The following FGF11 variants were observed in gnomAD, a reference collection of about 807,000 sequenced individuals.
FGF11 encodes fibroblast growth factor 11.
Under a neutral mutation model 25.1 loss-of-function variants are expected in FGF11, and 25 were observed. The observed-to-expected ratio is 1.00, with a 90% CI of 0.73 to 1.39. The LOEUF (loss-of-function observed/expected upper bound fraction) is 1.39, where lower values mean the gene tolerates loss of function less well. FGF11 is among the 40% of genes most tolerant of loss of function. The pLI, the probability that FGF11 is intolerant of heterozygous loss-of-function variation, is 0.00. For synonymous variants in FGF11, 130 were observed against 128.9 expected, an observed-to-expected ratio of 1.01 and a Z score of -0.06; for missense variants, 320 against 311.0, an observed-to-expected ratio of 1.03 and a Z score of -0.22.
Position 7,440,056 on chromosome 17 carries a change from C to T in FGF11, c.193+243C>T. The T allele has an allele frequency of 5.1e-6, 2 of 390,690 alleles. No individual in the cohort carries two copies. The highest frequency in any genetic ancestry group is 9.1e-6 in the Non-Finnish European group (2 of 220,878). The allele number at this position is 390,690 out of a possible 1,614,324, so 24.2% of individuals were successfully genotyped here. A position where few individuals can be genotyped will look rare whatever the true frequency, so the allele number is the denominator to read the frequency against. ...GAGGGGCTGCCTGGCGCCCCGAAAG[C>T]CTCGTAGTTCCTGCTCGTCCCCCCT... On this transcript the variant is annotated intron_variant, in intron 1 of 4. Coordinates refer to ENST00000293829, the MANE Select transcript of FGF11 (RefSeq NM_004112.4). This position sits in a 1 kb window ranked among gnomAD's most constrained non-coding sequence, Gnocchi z 5.4.
chr17:7,442,789 G>C lies in FGF11; in HGVS notation c.604G>C (p.Glu202Gln). 6.2e-7 allele frequency: 1 copy of C among 1,613,916 alleles called. No homozygotes were observed. Among genetic ancestry groups the C allele is most frequent in the Non-Finnish European group, 8.5e-7 (1 of 1,179,956 alleles). ...AAAHFLPKLL[E>Q]VAMYQEPSLH... ...TGCCCACTTTCTGCCCAAGCTCCTG[G>C]AGGGTGGGTATAGACTCAAGAAAAT... is the stretch of plus-strand genomic sequence containing the variant. The change falls in exon 4 of 5, where the codon GAG becomes CAG. Residue 202 changes from glutamate (E) to glutamine (Q), a missense_variant. By Grantham distance (29) the Glu-to-Gln change is conservative. Coordinates refer to ENST00000293829, the MANE Select transcript of FGF11 (RefSeq NM_004112.4).
upstream of FGF11, chr17:7,438,328 C>T (rs1394950095): frequency 1.2e-5 from 2 of 162,510 alleles, no homozygotes; most frequent in African/African-American, 2.4e-5. Flanking sequence ...CTGCCGCTGC[C>T]GCCGCTCTGC....
upstream of FGF11, chr17:7,438,659 GACA>G (rs2150832222): frequency 6.6e-6 from 1 of 152,532 alleles, no homozygotes; most frequent in Non-Finnish European, 1.5e-5. Flanking sequence ...GGGGACTGGT[GACA>G]ACGTGGGTGC....
intron 4 of FGF11, 64 bp from the exon 5 acceptor site, chr17:7,443,012 G>A (rs1449232332): frequency 4.4e-6 from 6 of 1,360,898 alleles, no homozygotes; most frequent in Non-Finnish European, 3.1e-6. Flanking sequence ...TGGAGCACTG[G>A]TTCTGCCTGG....
At chr17:7,441,078 C>A in intron 1 of FGF11, 1 of 499,352 alleles carries the variant, frequency 2.0e-6, no homozygotes, top group Non-Finnish European at 2.8e-6. Flanking sequence ...CAATTTGCTG[C>A]TGCCAAGATC....
At chr17:7,441,095 C>T (rs917242128) in intron 1 of FGF11, 1 of 377,572 alleles carries the variant, frequency 2.6e-6, no homozygotes, top group African/African-American at 2.1e-5. Context: ...GATCCCCCAC[C>T]TTCGCAAACA....
intron 2 of FGF11, 61 bp from the exon 3 acceptor site, chr17:7,441,715 G>C (rs1480976947): frequency 6.4e-7 from 1 of 1,561,674 alleles, no homozygotes; most frequent in Admixed American, 1.8e-5. Context: ...GAGCTGGGAT[G>C]AGGGGAGCTC....
chr17:7,440,503 A>G lies in FGF11; in HGVS notation c.193+690A>G. ...AGGAACTCAGACACAGTTCACGGCT[A>G]GAGATGGGCGCCGACTCGGGGGTCG... is the stretch of plus-strand genomic sequence containing the variant. On this transcript the variant is annotated intron_variant, in intron 1 of 4. Transcript: ENST00000293829. The surrounding 1 kb of genome is among the most constrained non-coding windows in gnomAD (Gnocchi z 5.4). 1 of 229,434 alleles carries G rather than the reference A, an allele frequency of 4.4e-6. No homozygotes were observed. The highest frequency in any genetic ancestry group is 7.2e-6 in the Non-Finnish European group (1 of 138,718). 14.2% of individuals were successfully genotyped at this position (229,434 alleles called of 1,614,324 possible).
At chr17:7,442,383 C>T in intron 3 of FGF11, 4 of 1,369,292 alleles carry the variant, frequency 2.9e-6, no homozygotes, top group Non-Finnish European at 3.8e-6. Flanking sequence ...GGATTATAGG[C>T]ATGAGCCACT....
upstream of FGF11, chr17:7,439,473 G>C (rs371867789): frequency 1.8e-6 from 1 of 560,346 alleles, no homozygotes; most frequent in Non-Finnish European, 2.9e-6. Flanking sequence ...TGAGGGGGGG[G>C]GTCTGGGGCT....
rs1908211426 is a variant in FGF11 at position 7,439,539 on chromosome 17, G to A, written c.-82G>A. ...GTCGGGGCCTGAGCGTCAAGAGCAT[G>A]CCCTAGTGAGCGGGCTCCTCTGGGG... On this transcript the variant is annotated 5_prime_UTR_variant, in exon 1 of 5. It removes an upstream start codon present in the reference 5' UTR. Transcript: ENST00000293829. The A allele has an allele frequency of 3.4e-6, 4 of 1,165,988 alleles. No individual in the cohort carries two copies. In the East Asian group the frequency reaches 9.4e-5, roughly 27 times the overall value. 72.2% of individuals were successfully genotyped at this position (1,165,988 alleles called of 1,614,324 possible).
Position 7,439,560 on chromosome 17 carries a change from T to C in FGF11, c.-61T>C, listed in dbSNP as rs1597741624. 4 of 1,322,782 alleles carry C rather than the reference T, an allele frequency of 3.0e-6. No individual in the cohort carries two copies. The highest frequency in any genetic ancestry group is 3.9e-5 in the Admixed American group (1 of 25,504). 81.9% of individuals were successfully genotyped at this position (1,322,782 alleles called of 1,614,324 possible). A position where few individuals can be genotyped will look rare whatever the true frequency, so the allele number is the denominator to read the frequency against. On this transcript the variant is annotated 5_prime_UTR_variant, in exon 1 of 5. Transcript: ENST00000293829. ...GCATGCCCTAGTGAGCGGGCTCCTC[T>C]GGGGGAGCCCAGCGCGCTCCGGGCG...
chr17:7,441,762 C>T lies in FGF11; in HGVS notation c.305-14C>T. ...AGAGGCCTGGGTATTGATGCTCCCT[C>T]TCTCCACCTGCAGCCCACTTCAACC... On this transcript the variant is annotated splice_polypyrimidine_tract_variant and intron_variant, in intron 2 of 4. Transcript: ENST00000293829. 1.3e-6 allele frequency: 2 copies of T among 1,589,242 alleles called. No individual in the cohort carries two copies. Among genetic ancestry groups the T allele is most frequent in the Non-Finnish European group, 1.7e-6 (2 of 1,166,738 alleles).
upstream of FGF11, chr17:7,439,357 G>GTTTT: frequency 2.6e-6 from 1 of 379,926 alleles, no homozygotes. Flanking sequence ...TCAATAGGAG[G>GTTTT]CAAAACTCGA....
At position 7,439,685 on chromosome 17, in the gene FGF11, G is replaced by A; in HGVS notation, c.65G>A (p.Arg22Gln). The A allele has an allele frequency of 1.9e-6, 3 of 1,547,824 alleles. No individual in the cohort carries two copies. The highest frequency in any genetic ancestry group is 2.0e-5 in the Admixed American group (1 of 50,282). ...GAGGTCCGCGAGCCCGGGGGCAGCC[G>A]GCCGGTGTCGGCGCAGCGGCGCGTG... ...KREVREPGGS[R>Q]PVSAQRRVCP... Residue 22 changes from arginine to glutamine, a missense_variant, in exon 1 of 5, where the codon CGG (arginine) becomes CAG (glutamine). By Grantham distance (43) the Arg-to-Gln change is conservative (BLOSUM62 1). Transcript: ENST00000293829.
rs1263492177 is a variant in FGF11 at position 7,444,673 on chromosome 17, G to C, written c.*1527G>C. 5.3e-6 allele frequency: 1 copy of C among 190,178 alleles called. No homozygotes were observed. The highest frequency in any genetic ancestry group is 1.1e-5 in the Non-Finnish European group (1 of 89,712). The allele number at this position is 190,178 out of a possible 1,614,324, so 11.8% of individuals were successfully genotyped here. ...TGCTAGGGGCAGCCTGGAAAAGATG[G>C]GGAACCTGCTAGTGAACTAGGAGGG... On this transcript the variant is annotated 3_prime_UTR_variant, in exon 5 of 5. Coordinates refer to ENST00000293829, the MANE Select transcript of FGF11 (RefSeq NM_004112.4).
chr17:7,440,500 G>T lies in FGF11; in HGVS notation c.193+687G>T, dbSNP rs1257609737. ...GGCAGGAACTCAGACACAGTTCACG[G>T]CTAGAGATGGGCGCCGACTCGGGGG... is the stretch of plus-strand genomic sequence containing the variant. On this transcript the variant is annotated intron_variant, in intron 1 of 4. Coordinates refer to ENST00000293829, the MANE Select transcript of FGF11 (RefSeq NM_004112.4). This position sits in a 1 kb window ranked among gnomAD's most constrained non-coding sequence, Gnocchi z 5.4. 1.3e-5 allele frequency: 3 copies of T among 224,930 alleles called. No individual in the cohort carries two copies. Among genetic ancestry groups the T allele is most frequent in the African/African-American group, 4.7e-5 (2 of 42,712 alleles). 13.9% of individuals were successfully genotyped at this position (224,930 alleles called of 1,614,324 possible).
rs369665237 is a variant in FGF11 at position 7,442,504 on chromosome 17, T to C, written c.409-90T>C. 4.3e-6 allele frequency: 5 copies of C among 1,150,474 alleles called. No homozygotes were observed. In the African/African-American group the frequency reaches 4.7e-5, roughly 11 times the overall value. 71.3% of individuals were successfully genotyped at this position (1,150,474 alleles called of 1,614,324 possible). A position where few individuals can be genotyped will look rare whatever the true frequency, so the allele number is the denominator to read the frequency against. On this transcript the variant is annotated intron_variant, in intron 3 of 4. Transcript: ENST00000293829. ...TGTCCTCCCCCTCCCCCAAAAAGGA[T>C]TTGTGCTTTCCATGAGCTCCTTTCT... is the stretch of plus-strand genomic sequence containing the variant.
intron 3 of FGF11, 196 bp downstream of exon 3, chr17:7,442,075 C>T: frequency 5.7e-6 from 3 of 526,886 alleles, no homozygotes; most frequent in Non-Finnish European, 1.0e-5. Context: ...ACTCCTTGCA[C>T]ACCCCCAAAA....
Sources: gnomAD v4.1 joint callset for allele counts on GRCh38, gnomAD v4.1.1 for gene constraint, Gnocchi (gnomAD v3.1) non-coding constraint, MANE v1.5 for transcripts, NCBI Gene and HGNC (gene_info 2026-07-23, HGNC 2026-07-21) for gene names.